The following NKAIN2 variants were observed in gnomAD, a reference collection of about 807,000 sequenced individuals.
NKAIN2 encodes sodium/potassium transporting ATPase interacting 2.
Under a neutral mutation model 32.6 loss-of-function variants are expected in NKAIN2, and 14 were observed. The observed-to-expected ratio is 0.43, with a 90% CI of 0.28 to 0.67. The LOEUF (loss-of-function observed/expected upper bound fraction) is 0.67. NKAIN2 is among the 30% of genes least tolerant of loss of function. The pLI, the probability that NKAIN2 is intolerant of heterozygous loss-of-function variation, is 0.17. For synonymous variants in NKAIN2, 80 were observed against 87.2 expected (o/e 0.92, Z 0.46); for missense variants, 198 against 258.3 (o/e 0.77, Z 1.60).
intron 1 of NKAIN2, among the ~76,000 whole-genome samples, chr6:124,181,892 A>G (rs1422902321): frequency 2.6e-5 from 4 of 151,828 alleles, no homozygotes; most frequent in Admixed American, 1.3e-4. Context: ...AACTGTTCCA[A>G]CCTCTTCCTG....
chr6:124,077,338 C>G (rs375809786), intron 1 of NKAIN2, among the ~76,000 whole-genome samples: 2 of 152,090 alleles, frequency 1.3e-5, no homozygotes, highest in East Asian at 3.9e-4. Context: ...GTTTTTACAT[C>G]CGTTTTCTCA....
At chr6:124,222,375 G>A (rs372433545) in intron 1 of NKAIN2, among the ~76,000 whole-genome samples, 4 of 152,146 alleles carry the variant, frequency 2.6e-5, no homozygotes, top group Non-Finnish European at 5.9e-5. Context: ...TTTACATAAA[G>A]ATATAAATAA....
chr6:124,206,518 A>G (rs1189551154), intron 1 of NKAIN2, among the ~76,000 whole-genome samples: 2 of 151,866 alleles, frequency 1.3e-5, no homozygotes, highest in African/African-American at 2.4e-5. Context: ...TGGGCTTCCA[A>G]TGAATTTGAA....
At position 124,721,673 on chromosome 6, in the gene NKAIN2, T is replaced by C. The variant is rs150900581; in HGVS notation, c.474+63287T>C. On this transcript the variant is annotated intron_variant, in intron 4 of 6. Transcript: ENST00000368417. ...TCATTCCAAGAAGTCTTTTTATCTTTGTCCACCTTCAAACTGCCACCCACC... is the reference window on the plus strand; with the variant it reads ...TCATTCCAAGAAGTCTTTTTATCTTCGTCCACCTTCAAACTGCCACCCACC... Among the ~76,000 whole-genome samples, 58 of 152,316 alleles carry C rather than the reference T, an allele frequency of 3.8e-4. No individual in the cohort carries two copies. In the East Asian group the frequency reaches 0.01, roughly 27 times the overall value.
At chr6:124,589,910 G>A (rs545209132) in intron 3 of NKAIN2, among the ~76,000 whole-genome samples, 1 of 149,812 alleles carries the variant, frequency 6.7e-6, no homozygotes, top group African/African-American at 2.5e-5. Flanking sequence ...TCCCACTTAT[G>A]AGTGAGAACA....
intron 4 of NKAIN2, among the ~76,000 whole-genome samples, chr6:124,747,618 GTAT>G (rs1777506123): frequency 1.3e-5 from 2 of 151,814 alleles, no homozygotes; most frequent in African/African-American, 2.4e-5. Context: ...CTTAGCCCAT[GTAT>G]GGGTGTTGCT....
chr6:123,811,007 A>G (rs1433793849), intron 1 of NKAIN2, among the ~76,000 whole-genome samples: 1 of 152,200 alleles, frequency 6.6e-6, no homozygotes. Flanking sequence ...TTGCTAAGGA[A>G]TTCCCAGATG....
At chr6:124,493,712 C>CT (rs376284499) in intron 3 of NKAIN2, among the ~76,000 whole-genome samples, 2 of 129,660 alleles carry the variant, frequency 1.5e-5, no homozygotes, top group Non-Finnish European at 3.1e-5. Context: ...ACCAACCCCC[C>CT]CCTCCAAAAA....
chr6:124,260,367 A>G (rs1727498262), intron 1 of NKAIN2, among the ~76,000 whole-genome samples: 1 of 152,212 alleles, frequency 6.6e-6, no homozygotes, highest in African/African-American at 2.4e-5. Context: ...GAAGTTTGGA[A>G]TGTGTGGTCA....
At chr6:124,433,153 T>C (rs564204119) in intron 3 of NKAIN2, among the ~76,000 whole-genome samples, 1 of 152,294 alleles carries the variant, frequency 6.6e-6, no homozygotes, top group East Asian at 1.9e-4. Flanking sequence ...CCATTCACTC[T>C]CAGAAGACAC....
chr6:124,137,662 G>T (rs550783597), intron 1 of NKAIN2, among the ~76,000 whole-genome samples: 4 of 152,004 alleles, frequency 2.6e-5, no homozygotes, highest in Non-Finnish European at 4.4e-5. Flanking sequence ...TAAAAAGATA[G>T]GTATATAGAC....
intron 1 of NKAIN2, among the ~76,000 whole-genome samples, chr6:123,898,378 T>A (rs1774384943): frequency 6.6e-6 from 1 of 152,208 alleles, no homozygotes; most frequent in African/African-American, 2.4e-5. Context: ...TTCTGCAGTT[T>A]GACAATTGTG....
chr6:124,047,355 C>CA (rs1782189656), intron 1 of NKAIN2, among the ~76,000 whole-genome samples: 1 of 151,854 alleles, frequency 6.6e-6, no homozygotes, highest in Non-Finnish European at 1.5e-5. Flanking sequence ...AAAGTCAGTA[C>CA]AAGTTGTATG....
At position 123,898,952 on chromosome 6, in the gene NKAIN2, T is replaced by C. The variant is rs144078172; in HGVS notation, c.54+94698T>C. Among the ~76,000 whole-genome samples, 530 of 152,304 alleles carry C rather than the reference T, an allele frequency of 3.5e-3. 3 individuals carry two copies. The highest frequency in any genetic ancestry group is 0.011 in the South Asian group (55 of 4,822). On this transcript the variant is annotated intron_variant, in intron 1 of 6. Coordinates refer to ENST00000368417, the MANE Select transcript of NKAIN2 (RefSeq NM_001040214.3). ...AACCTCAGCCACAAACTGAAGACTT[T>C]TTTCTGGTGAAAACCATTCAGACTA...
intron 1 of NKAIN2, among the ~76,000 whole-genome samples, chr6:123,905,000 A>G (rs1398885170): frequency 6.6e-6 from 1 of 152,214 alleles, no homozygotes; most frequent in Non-Finnish European, 1.5e-5. Flanking sequence ...TTACACACTG[A>G]AGAGGCTAAT....
intron 4 of NKAIN2, among the ~76,000 whole-genome samples, chr6:124,664,208 G>A (rs1163208233): frequency 6.6e-6 from 1 of 151,790 alleles, no homozygotes; most frequent in Admixed American, 6.6e-5. Flanking sequence ...CCGGGAGGCG[G>A]AGGTTGCAGT....
intron 1 of NKAIN2, among the ~76,000 whole-genome samples, chr6:124,146,852 A>C (rs1230084512): frequency 6.6e-6 from 1 of 152,216 alleles, no homozygotes; most frequent in Non-Finnish European, 1.5e-5. Context: ...ACTATTGAGG[A>C]AAGCAAGGGA....
intron 3 of NKAIN2, among the ~76,000 whole-genome samples, chr6:124,441,149 C>G (rs916524727): frequency 6.6e-6 from 1 of 152,066 alleles, no homozygotes; most frequent in East Asian, 1.9e-4. Flanking sequence ...TCACACACTT[C>G]TACCCCTCTT....
At chr6:124,181,267 G>A (rs1789434229) in intron 1 of NKAIN2, among the ~76,000 whole-genome samples, 1 of 148,870 alleles carries the variant, frequency 6.7e-6, no homozygotes, top group African/African-American at 2.5e-5. Context: ...GGCCCTGGGT[G>A]TGGCCCAGGA....
Sources: gnomAD v4.1 joint callset for allele counts (sites outside exome capture counted in the v4.1 genomes callset) on GRCh38, gnomAD v4.1.1 for gene constraint, MANE v1.5 for transcripts, NCBI Gene and HGNC (gene_info 2026-07-23, HGNC 2026-07-21) for gene names.